The following GUCY1B1 variants were observed in gnomAD, a reference collection of about 807,000 sequenced individuals.
GUCY1B1 encodes the protein guanylate cyclase 1 soluble subunit beta 1.
In GUCY1B1, 43 loss-of-function variants were observed where a neutral mutation model predicts 71.0. That is an observed-to-expected ratio of 0.61 (90% CI 0.47 to 0.78). The LOEUF (loss-of-function observed/expected upper bound fraction) is 0.78. Among genes scored for constraint, GUCY1B1 ranks in the 30% least tolerant of loss-of-function variants. The pLI is 0.00. For missense variants in GUCY1B1, 535 were observed against 754.1 expected (o/e 0.71, Z 3.40); for synonymous variants, 266 against 259.7 (o/e 1.02, Z -0.23).
At chr4:155,772,686 C>T in intron 2 of GUCY1B1, 1 of 702,204 alleles carries the variant, frequency 1.4e-6, no homozygotes, top group Non-Finnish European at 2.6e-6. Context: ...TCCCAAAGTG[C>T]TGGGATAACA....
intron 11 of GUCY1B1, among the ~76,000 whole-genome samples, chr4:155,804,380 G>A (rs1305458966): frequency 1.3e-5 from 2 of 152,056 alleles, no homozygotes; most frequent in Non-Finnish European, 2.9e-5. Flanking sequence ...GGGGCAAGGG[G>A]AGGGAGAGCA....
chr4:155,791,185 G>A (rs965474773), intron 5 of GUCY1B1, among the ~76,000 whole-genome samples: 3 of 149,996 alleles, frequency 2.0e-5, no homozygotes, highest in Admixed American at 6.6e-5. Flanking sequence ...CGCGATCTCC[G>A]CTCACTGCAA....
chr4:155,776,903 T>C (rs1738089444), intron 3 of GUCY1B1, among the ~76,000 whole-genome samples: 1 of 152,202 alleles, frequency 6.6e-6, no homozygotes, highest in Non-Finnish European at 1.5e-5. Context: ...TGCTTTAAAA[T>C]GGCCAAAATT....
At position 155,796,395 on chromosome 4, in the gene GUCY1B1, G is replaced by C; in HGVS notation, c.862G>C (p.Glu288Gln). 1 of 1,613,428 alleles carries C rather than the reference G, an allele frequency of 6.2e-7. No individual in the cohort carries two copies. The highest frequency in any genetic ancestry group is 8.5e-7 in the Non-Finnish European group (1 of 1,179,554). The change falls in exon 8 of 14, where the codon GAG becomes CAG. Residue 288 changes from glutamate to glutamine, a missense_variant. Coordinates refer to ENST00000264424, the MANE Select transcript of GUCY1B1 (RefSeq NM_000857.5). ...LRSKEGLLDV[E>Q]KLECEDELTG... ...TTTCAAGGAAGGATTGTTGGATGTG[G>C]AGAAATTAGAATGTGAGGATGAACT...
At position 155,802,946 on chromosome 4, in the gene GUCY1B1, G is replaced by C. The variant is rs1740061693; in HGVS notation, c.1413+367G>C. Among the ~76,000 whole-genome samples the C allele has an allele frequency of 6.6e-6, 1 of 152,076 alleles. No homozygotes were observed. Among genetic ancestry groups the C allele is most frequent in the Admixed American group, 6.6e-5 (1 of 15,262 alleles). On this transcript the variant is annotated intron_variant, in intron 10 of 13. Coordinates refer to ENST00000264424, the MANE Select transcript of GUCY1B1 (RefSeq NM_000857.5). This position sits in a 1 kb window ranked among gnomAD's most constrained non-coding sequence, Gnocchi z 4.3. ...TTTTACTGAGATATATAAATGCTTTGTACAGTAAAGAAGTCATGAAGCATG... is the reference window on the plus strand; with the variant it reads ...TTTTACTGAGATATATAAATGCTTTCTACAGTAAAGAAGTCATGAAGCATG...
In GUCY1B1 at chr4:155,795,446, T is replaced by C; in HGVS notation, c.832T>C (p.Leu278=). The C allele has an allele frequency of 6.9e-7, 1 of 1,458,740 alleles. No homozygotes were observed. The highest frequency in any genetic ancestry group is 9.6e-7 in the Non-Finnish European group (1 of 1,039,744). 90.4% of individuals were successfully genotyped at this position (1,458,740 alleles called of 1,614,324 possible). ...ILSHINTVFV[L]RSKEGLLDVE... is the part of the protein sequence containing the mutation. Reference sequence around the variant, plus strand: ...TTCTCACATCAATACTGTTTTTGTATTGAGAAGCAAGGTAATCAAGATATT... The same window carrying C: ...TTCTCACATCAATACTGTTTTTGTACTGAGAAGCAAGGTAATCAAGATATT... The change falls in exon 7 of 14, where the codon TTG becomes CTG. Residue 278 remains leucine (L), a synonymous_variant. Coordinates refer to ENST00000264424, the MANE Select transcript of GUCY1B1 (RefSeq NM_000857.5).
At chr4:155,791,930 T>C (rs1739212628) in intron 5 of GUCY1B1, among the ~76,000 whole-genome samples, 1 of 152,174 alleles carries the variant, frequency 6.6e-6, no homozygotes, top group Non-Finnish European at 1.5e-5. Context: ...AAACTACTAT[T>C]ACTGTGGTAT....
chr4:155,772,602 G>A, intron 2 of GUCY1B1: 1 of 642,786 alleles, frequency 1.6e-6, no homozygotes, highest in Non-Finnish European at 2.8e-6. Flanking sequence ...TTATTTCTAG[G>A]AGAGAAGAGG....
chr4:155,792,297 CA>C (rs1579238805), intron 5 of GUCY1B1, among the ~76,000 whole-genome samples: 7 of 151,342 alleles, frequency 4.6e-5, no homozygotes, highest in Admixed American at 4.6e-4. Context: ...TTGATCAAAG[CA>C]AAAAAATTAG....
chr4:155,776,809 T>C (rs1328821243), intron 3 of GUCY1B1, among the ~76,000 whole-genome samples: 5 of 152,238 alleles, frequency 3.3e-5, no homozygotes, highest in African/African-American at 4.8e-5. Context: ...ATAAAGACTT[T>C]TGTATCAAAA....
chr4:155,775,197 G>A, intron 3 of GUCY1B1, 129 bp downstream of exon 3: 1 of 661,448 alleles, frequency 1.5e-6, no homozygotes, highest in South Asian at 1.8e-5. Context: ...ATAGTTGTGT[G>A]GTGGGCATCC....
At position 155,785,307 on chromosome 4, in the gene GUCY1B1, T is replaced by C. The variant is rs532544978; in HGVS notation, c.298-4407T>C. The C allele has an allele frequency of 2.0e-6, 3 of 1,464,122 alleles. No individual in the cohort carries two copies. The South Asian group carries it at 3.7e-5, about 18-fold the overall frequency. 90.7% of individuals were successfully genotyped at this position (1,464,122 alleles called of 1,614,324 possible). A position where few individuals can be genotyped will look rare whatever the true frequency, so the allele number is the denominator to read the frequency against. ...ATTTCAGATTTACATCATTGTTTCCTGGGAATCTACTTGTGCTGCAATGTA... is the reference window on the plus strand; with the variant it reads ...ATTTCAGATTTACATCATTGTTTCCCGGGAATCTACTTGTGCTGCAATGTA... On this transcript the variant is annotated intron_variant, in intron 4 of 13. Coordinates refer to ENST00000264424, the MANE Select transcript of GUCY1B1 (RefSeq NM_000857.5).
At chr4:155,804,195 C>T (rs773343039) in intron 11 of GUCY1B1, among the ~76,000 whole-genome samples, 14 of 152,068 alleles carry the variant, frequency 9.2e-5, no homozygotes, top group Non-Finnish European at 1.5e-4. Flanking sequence ...ACATCTCTTA[C>T]GATGTTATAT....
intron 2 of GUCY1B1, among the ~76,000 whole-genome samples, chr4:155,773,210 T>A (rs548099261): frequency 1.3e-5 from 2 of 152,362 alleles, no homozygotes; most frequent in East Asian, 1.9e-4. Context: ...ACATTGGCAA[T>A]GATATCTGGA....
intron 2 of GUCY1B1, among the ~76,000 whole-genome samples, chr4:155,762,489 A>C (rs1423466308): frequency 6.6e-6 from 1 of 152,224 alleles, no homozygotes; most frequent in Non-Finnish European, 1.5e-5. Context: ...AAAAGATGCC[A>C]AACATTTAAT....
chr4:155,759,243 C>T, intron 1 of GUCY1B1, 100 bp downstream of exon 1: 1 of 1,244,486 alleles, frequency 8.0e-7, no homozygotes, highest in Non-Finnish European at 1.1e-6. Context: ...CTCGGGGGCC[C>T]TGGGCGCTCA....
rs1740103500 is a variant in GUCY1B1, at chr4:155,803,587, A to G, written c.1414-37A>G. 3.6e-6 allele frequency: 5 copies of G among 1,376,132 alleles called. No homozygotes were observed. The East Asian group carries it at 1.4e-4, about 38-fold the overall frequency. The allele number at this position is 1,376,132 out of a possible 1,614,324, so 85.2% of individuals were successfully genotyped here. The stretch of plus-strand genomic sequence containing the variant: ...GGTAATAAATGAAACAGTCTTTTTT[A>G]TGCTAACCGTGAACATCTAAATATA... On this transcript the variant is annotated intron_variant, in intron 10 of 13. Coordinates refer to ENST00000264424, the MANE Select transcript of GUCY1B1 (RefSeq NM_000857.5).
chr4:155,794,044 G>A lies in GUCY1B1; in HGVS notation c.684G>A (p.Val228=). 4.3e-6 allele frequency: 7 copies of A among 1,612,476 alleles called. No individual in the cohort carries two copies. The highest frequency in any genetic ancestry group is 5.9e-6 in the Non-Finnish European group (7 of 1,178,632). The change falls in exon 6 of 14, where the codon GTG becomes GTA. Residue 228 remains valine, a synonymous_variant. Coordinates refer to ENST00000264424, the MANE Select transcript of GUCY1B1 (RefSeq NM_000857.5). ...PFHIIFDRDL[V]VTQCGNAIYR... is the part of the protein sequence containing the mutation. The stretch of plus-strand genomic sequence containing the variant: ...ATATAATATTTGACCGGGACCTAGT[G>A]GTCACTCAGTGTGGCAATGCTATAT...
chr4:155,770,236 C>T (rs976474434), intron 2 of GUCY1B1, among the ~76,000 whole-genome samples: 2 of 152,020 alleles, frequency 1.3e-5, no homozygotes, highest in Non-Finnish European at 2.9e-5. Context: ...CTTCAGGTAG[C>T]AGATAAAAAA....
Sources: gnomAD v4.1 joint callset for allele counts (sites outside exome capture counted in the v4.1 genomes callset) on GRCh38, gnomAD v4.1.1 for gene constraint, Gnocchi (gnomAD v3.1) non-coding constraint, MANE v1.5 for transcripts, NCBI Gene and HGNC (gene_info 2026-07-23, HGNC 2026-07-21) for gene names.